DTNBP1: variants seen among roughly 807,000 people sequenced by gnomAD.
DTNBP1 encodes dystrobrevin binding protein 1.
Under a neutral mutation model 42.8 loss-of-function variants are expected in DTNBP1, and 35 were observed. The observed-to-expected ratio is 0.82, with a 90% CI of 0.63 to 1.09. The LOEUF is 1.09. Among genes scored for constraint, DTNBP1 ranks in the 50% least tolerant of loss-of-function variants. The pLI, the probability that DTNBP1 is intolerant of heterozygous loss-of-function variation, is 0.00. For synonymous variants in DTNBP1, 171 were observed against 162.2 expected (o/e 1.05, Z -0.41); for missense variants, 457 against 424.2 (o/e 1.08, Z -0.68).
chr6:15,601,173 T>C (rs1036163970), intron 6 of DTNBP1, among the ~76,000 whole-genome samples: 2 of 152,208 alleles, frequency 1.3e-5, no homozygotes, highest in Non-Finnish European at 2.9e-5. Flanking sequence ...TCAAGGACCT[T>C]AGTTACTTAA....
chr6:15,648,317 A>G (rs758067079), intron 3 of DTNBP1, among the ~76,000 whole-genome samples: 1 of 152,090 alleles, frequency 6.6e-6, no homozygotes, highest in Non-Finnish European at 1.5e-5. Flanking sequence ...TTCCTGTAAG[A>G]TCAGGATCAA....
chr6:15,627,064 G>C (rs1225948123), intron 5 of DTNBP1, among the ~76,000 whole-genome samples: 2 of 152,160 alleles, frequency 1.3e-5, no homozygotes, highest in African/African-American at 4.8e-5. Context: ...TTTAAACAGA[G>C]ACCAAATGTC....
chr6:15,523,895 C>T (rs1430600244), intron 9 of DTNBP1: 2 of 1,287,258 alleles, frequency 1.6e-6, no homozygotes, highest in Non-Finnish European at 2.0e-6. Context: ...GAACCTTCTA[C>T]AGATGGCTGA....
intron 1 of DTNBP1, among the ~76,000 whole-genome samples, chr6:15,661,984 C>T (rs1237960930): frequency 1.3e-5 from 2 of 152,172 alleles, no homozygotes; most frequent in African/African-American, 4.8e-5. Flanking sequence ...GATGCCTAGG[C>T]AATCTGGCGC....
chr6:15,547,434 T>C (rs1773945746), intron 7 of DTNBP1, among the ~76,000 whole-genome samples: 1 of 152,220 alleles, frequency 6.6e-6, no homozygotes, highest in East Asian at 1.9e-4. Context: ...CTAGACGAAC[T>C]ACATCTGTGC....
intron 3 of DTNBP1, among the ~76,000 whole-genome samples, chr6:15,646,264 C>G (rs866992569): frequency 6.7e-6 from 1 of 148,870 alleles, no homozygotes; most frequent in Non-Finnish European, 1.5e-5. Flanking sequence ...AATAGACACA[C>G]ACACACACAC....
At chr6:15,629,976 A>G (rs1389909994) in intron 4 of DTNBP1, among the ~76,000 whole-genome samples, 3 of 152,196 alleles carry the variant, frequency 2.0e-5, no homozygotes, top group Non-Finnish European at 4.4e-5. Context: ...TTAATGATTA[A>G]AAAAAGCTAT....
At chr6:15,595,175 T>A (rs1776461686) in intron 6 of DTNBP1, 1 of 454,460 alleles carries the variant, frequency 2.2e-6, no homozygotes, top group South Asian at 1.6e-5. Context: ...TGTACCCAAT[T>A]CCTAAAACAG....
intron 1 of DTNBP1, among the ~76,000 whole-genome samples, chr6:15,654,711 T>G (rs2743855): frequency 2.3e-3 from 347 of 152,234 alleles, no homozygotes; most frequent in African/African-American, 7.8e-3. Flanking sequence ...TGTTGGAAGA[T>G]TCAACAAAAG....
At chr6:15,620,422 G>C (rs545309860) in intron 5 of DTNBP1, among the ~76,000 whole-genome samples, 4 of 152,166 alleles carry the variant, frequency 2.6e-5, no homozygotes, top group Admixed American at 6.5e-5. Context: ...TCCTGGGCTT[G>C]AGCGATCTTC....
At chr6:15,545,129 C>T (rs753957474) in intron 7 of DTNBP1, among the ~76,000 whole-genome samples, 2 of 151,868 alleles carry the variant, frequency 1.3e-5, no homozygotes, top group African/African-American at 2.4e-5. Context: ...AATCTCCTGC[C>T]CCCACTTAAA....
At chr6:15,624,671 G>A (rs572689617) in intron 5 of DTNBP1, among the ~76,000 whole-genome samples, 1 of 152,326 alleles carries the variant, frequency 6.6e-6, no homozygotes, top group East Asian at 1.9e-4. Context: ...GTTCAAAGAA[G>A]TTAGGGGGAC....
At chr6:15,592,880 G>A (rs1776355407) in intron 7 of DTNBP1, among the ~76,000 whole-genome samples, 179 bp downstream of exon 7, 1 of 152,166 alleles carries the variant, frequency 6.6e-6, no homozygotes, top group South Asian at 2.1e-4. Context: ...CTTGGTACAT[G>A]TGCTAAAGAG....
At chr6:15,605,697 C>T (rs192524246) in intron 6 of DTNBP1, among the ~76,000 whole-genome samples, 55 of 152,260 alleles carry the variant, frequency 3.6e-4, no homozygotes, top group South Asian at 2.5e-3. Context: ...TTTATTTTGG[C>T]TCCTATACTA....
intron 7 of DTNBP1, among the ~76,000 whole-genome samples, chr6:15,560,662 T>A (rs1199448269): frequency 6.6e-6 from 1 of 152,156 alleles, no homozygotes; most frequent in African/African-American, 2.4e-5. Flanking sequence ...TTGGGAAAAC[T>A]GGCCTCATGC....
At chr6:15,631,530 C>T (rs1238314926) in intron 4 of DTNBP1, among the ~76,000 whole-genome samples, 1 of 152,164 alleles carries the variant, frequency 6.6e-6, no homozygotes, top group Non-Finnish European at 1.5e-5. Context: ...ATTTTCACTG[C>T]TGTATACGGT....
chr6:15,555,347 G>A (rs1038310808), intron 7 of DTNBP1, among the ~76,000 whole-genome samples: 3 of 152,014 alleles, frequency 2.0e-5, no homozygotes, highest in Non-Finnish European at 4.4e-5. Context: ...ATAGAGGCTG[G>A]GTAAAAGGAG....
intron 7 of DTNBP1, among the ~76,000 whole-genome samples, chr6:15,553,142 T>A (rs1348946742): frequency 2.0e-5 from 3 of 152,114 alleles, no homozygotes; most frequent in Admixed American, 1.3e-4. Context: ...GATGAAATGA[T>A]TTGTAAAGTC....
chr6:15,642,649 G>C (rs1760444159), intron 3 of DTNBP1, among the ~76,000 whole-genome samples: 2 of 152,190 alleles, frequency 1.3e-5, no homozygotes, highest in East Asian at 1.9e-4. Context: ...TCAGTTCTTA[G>C]AGCCAATACA....
Sources: allele counts gnomAD v4.1 joint callset (sites outside exome capture counted in the v4.1 genomes callset), GRCh38; gene constraint gnomAD v4.1.1; transcripts MANE v1.5; gene names NCBI Gene and HGNC (gene_info 2026-07-23, HGNC 2026-07-21).